Variants in CABIN1 observed in about 807,000 individuals in gnomAD.
The protein encoded by CABIN1 is calcineurin-binding protein cabin-1.
CABIN1 carries 133 observed loss-of-function variants against 227.7 expected under a neutral mutation model. That is an observed-to-expected ratio of 0.58 (90% CI 0.51 to 0.67). The LOEUF is 0.67. Among genes scored for constraint, CABIN1 ranks in the 30% least tolerant of loss-of-function variants. The probability of loss-of-function intolerance (pLI) is 0.00; values close to 1 mark genes in which losing one functional copy is unlikely to be tolerated. For missense variants in CABIN1, 2,408 were observed against 2,852.5 expected (o/e 0.84, Z 3.55); for synonymous variants, 1,086 against 1,155.1 (o/e 0.94, Z 1.21).
At chr22:24,051,121 G>A (rs990184223) in intron 8 of CABIN1, 147 bp downstream of exon 8, 93 of 966,556 alleles carry the variant, frequency 9.6e-5, no homozygotes, top group Non-Finnish European at 1.5e-4. Flanking sequence ...CCAAATGGTT[G>A]GAGGTGCATG....
chr22:24,062,908 G>A, intron 13 of CABIN1, 51 bp from the exon 14 acceptor site: 1 of 1,568,338 alleles, frequency 6.4e-7, no homozygotes, highest in Non-Finnish European at 8.8e-7. Flanking sequence ...GAAGCAGAAG[G>A]GCATTAGAAT....
rs533378270 is a variant in CABIN1 at position 24,035,586 on chromosome 22, G to A, written c.3+66G>A. The A allele has an allele frequency of 1.3e-5, 21 of 1,596,900 alleles. No homozygotes were observed. In the South Asian group the frequency reaches 1.5e-4, roughly 12 times the overall value. ...CTTTTGTTACGTTACTCCTGGGGGC[G>A]AGGGGCATTTTCCTGTTAGATTCTG... On this transcript the variant is annotated intron_variant, in intron 2 of 36. Transcript: ENST00000263119.
chr22:24,113,436 C>T, intron 26 of CABIN1, 130 bp from the exon 27 acceptor site: 6 of 860,928 alleles, frequency 7.0e-6, no homozygotes, highest in Admixed American at 1.7e-5. Context: ...TGTCGAATGG[C>T]TGTGTTCAGG....
Position 24,178,184 on chromosome 22 carries a change from C to T in CABIN1, c.6651C>T (p.Tyr2217=), listed in dbSNP as rs1011956278. ...LESETDEDDD[Y]MDI Reference sequence around the variant, plus strand: ...GCGAGACAGACGAGGACGACGACTACATGGACATTTGAGGGGCCACTGCAG... The same window carrying T: ...GCGAGACAGACGAGGACGACGACTATATGGACATTTGAGGGGCCACTGCAG... The change falls in exon 37 of 37, where the codon TAC becomes TAT. Residue 2217 remains tyrosine, a synonymous_variant. Transcript: ENST00000263119. 1.2e-6 allele frequency: 2 copies of T among 1,613,266 alleles called. No homozygotes were observed. Among genetic ancestry groups the T allele is most frequent in the South Asian group, 1.1e-5 (1 of 91,084 alleles).
intron 31 of CABIN1, among the ~76,000 whole-genome samples, 154 bp from the exon 32 acceptor site, chr22:24,166,485 A>G (rs1196714433): frequency 1.3e-5 from 2 of 152,242 alleles, no homozygotes; most frequent in Non-Finnish European, 2.9e-5. Flanking sequence ...TCCTTCTCTG[A>G]TAACTGAAAC....
At chr22:24,073,366 T>A (rs1428314499) in intron 18 of CABIN1, among the ~76,000 whole-genome samples, 1 of 152,242 alleles carries the variant, frequency 6.6e-6, no homozygotes, top group African/African-American at 2.4e-5. Flanking sequence ...TCAACTAGCT[T>A]AAAATTAAGT....
intron 10 of CABIN1, 105 bp downstream of exon 10, chr22:24,056,465 C>T: frequency 9.0e-7 from 1 of 1,115,186 alleles, no homozygotes. Flanking sequence ...CTGGTCTCCT[C>T]CTCTGTGTTC....
At chr22:24,175,986 C>A in intron 34 of CABIN1, 125 bp from the exon 35 acceptor site, 1 of 1,128,046 alleles carries the variant, frequency 8.9e-7, no homozygotes, top group Non-Finnish European at 1.3e-6. Context: ...AGGACCCCAG[C>A]ATTGGCCACA....
intron 1 of CABIN1, among the ~76,000 whole-genome samples, chr22:24,016,110 TAAAAG>T (rs1374604482): frequency 2.0e-5 from 3 of 152,242 alleles, no homozygotes; most frequent in African/African-American, 7.2e-5. Context: ...TTATCACCCT[TAAAAG>T]AAACCCTGAT....
At position 24,067,063 on chromosome 22, in the gene CABIN1, A is replaced by G; in HGVS notation, c.2114A>G (p.Tyr705Cys). ...CAGCGGCTGTATGAAGCAGGCGACTACAAGGCTGTTGTGCATCTGCTCCGC... is the reference window on the plus strand; with the variant it reads ...CAGCGGCTGTATGAAGCAGGCGACTGCAAGGCTGTTGTGCATCTGCTCCGC... ...EIQRLYEAGD[Y>C]KAVVHLLRPT... is the part of the protein sequence containing the mutation. Residue 705 changes from tyrosine (Y) to cysteine (C), a missense_variant, in exon 16 of 37, where the codon TAC becomes TGC. This residue lies in a region of CABIN1 where 1,045 missense variants were observed against 1,168.4 expected (regional missense o/e 0.89). Coordinates refer to ENST00000263119, the MANE Select transcript of CABIN1 (RefSeq NM_012295.4). The G allele has an allele frequency of 1.2e-6, 2 of 1,614,222 alleles. No individual in the cohort carries two copies. Among genetic ancestry groups the G allele is most frequent in the South Asian group, 1.1e-5 (1 of 91,090 alleles).
At chr22:24,034,223 A>G (rs1029960126) in intron 1 of CABIN1, among the ~76,000 whole-genome samples, 2 of 152,182 alleles carry the variant, frequency 1.3e-5, no homozygotes, top group Admixed American at 1.3e-4. Context: ...CTGTTCTGTG[A>G]CCCAGTTCCT....
chr22:24,168,509 C>T lies in CABIN1; in HGVS notation c.5745C>T (p.Ala1915=), dbSNP rs17854875. The change falls in exon 33 of 37, where the codon GCC becomes GCT. Residue 1915 remains alanine (A), a synonymous_variant. Transcript: ENST00000263119. Reference sequence around the variant, plus strand: ...TCTGCCAGGTCCATCTTGGGGCTGCCGCCCAGAGACAGGTAAGCCCAATTT... The same window carrying T: ...TCTGCCAGGTCCATCTTGGGGCTGCTGCCCAGAGACAGGTAAGCCCAATTT... ...VKFCQVHLGA[A]AQRQASGDTP... The T allele has an allele frequency of 0.09, 139,971 of 1,558,144 alleles. 6,857 individuals are homozygous for T. The highest frequency in any genetic ancestry group is 0.17 in the East Asian group (6,929 of 41,364).
chr22:24,158,353 G>C (rs1333827463), intron 29 of CABIN1, among the ~76,000 whole-genome samples: 2 of 152,346 alleles, frequency 1.3e-5, no homozygotes, highest in South Asian at 2.1e-4. Context: ...ATCTTGAAGA[G>C]AGGGAGAAAA....
intron 29 of CABIN1, among the ~76,000 whole-genome samples, 194 bp downstream of exon 29, chr22:24,134,609 CA>C (rs950219262): frequency 2.0e-5 from 3 of 152,144 alleles, no homozygotes; most frequent in African/African-American, 7.2e-5. Flanking sequence ...CGACTTCTGG[CA>C]AGTCACTGCC....
At chr22:24,050,804 C>T (rs749807065) in intron 7 of CABIN1, 21 bp from the exon 8 acceptor site, 1 of 1,613,932 alleles carries the variant, frequency 6.2e-7, no homozygotes, top group Admixed American at 1.7e-5. Context: ...GATAATTTCT[C>T]CCTGTCTCAC....
intron 1 of CABIN1, among the ~76,000 whole-genome samples, chr22:24,016,224 T>G (rs1303845844): frequency 6.6e-6 from 1 of 152,234 alleles, no homozygotes; most frequent in Non-Finnish European, 1.5e-5. Flanking sequence ...GTTTTGGACA[T>G]TTCATGTAAA....
intron 26 of CABIN1, among the ~76,000 whole-genome samples, chr22:24,105,850 C>T (rs189080056): frequency 6.6e-6 from 1 of 152,350 alleles, no homozygotes; most frequent in East Asian, 1.9e-4. Flanking sequence ...AACAAAATGC[C>T]TCTGCCACCA....
intron 1 of CABIN1, among the ~76,000 whole-genome samples, chr22:24,030,460 T>C (rs1429480126): frequency 6.6e-6 from 1 of 152,222 alleles, no homozygotes; most frequent in Non-Finnish European, 1.5e-5. Context: ...GAATGTGCTT[T>C]GTAAATGTCT....
At chr22:24,152,810 C>T (rs558950116) in intron 29 of CABIN1, among the ~76,000 whole-genome samples, 5 of 152,182 alleles carry the variant, frequency 3.3e-5, no homozygotes, top group Admixed American at 1.3e-4. Flanking sequence ...ATTAGCTGGG[C>T]GTGGTGGTGT....
Sources: gnomAD v4.1 joint callset for allele counts (sites outside exome capture counted in the v4.1 genomes callset) on GRCh38, gnomAD v4.1.1 for gene constraint, gnomAD v4.1.1 regional missense constraint, MANE v1.5 for transcripts, NCBI Gene and HGNC (gene_info 2026-07-23, HGNC 2026-07-21) for gene names.